Variants in PADI4 observed in about 807,000 individuals in gnomAD.
The protein encoded by PADI4 is peptidyl arginine deiminase 4, also known as protein-arginine deiminase type-4.
Under a neutral mutation model 75.0 loss-of-function variants are expected in PADI4, and 62 were observed. The ratio of observed to expected loss-of-function variants is 0.83; its 90% CI spans 0.67 to 1.02. The LOEUF (loss-of-function observed/expected upper bound fraction) is 1.02. Ranked by LOEUF, PADI4 falls within the 50% of genes least tolerant of loss-of-function variation. PADI4 has a pLI of 0.00. For synonymous variants in PADI4, 361 were observed against 348.1 expected, an observed-to-expected ratio of 1.04 and a Z score of -0.41; for missense variants, 845 against 850.5, an observed-to-expected ratio of 0.99 and a Z score of 0.08.
At position 17,314,203 on chromosome 1, in the gene PADI4, C is replaced by G. The variant is rs376822912; in HGVS notation, c.92+5889C>G. Among the ~76,000 whole-genome samples, 22 of 152,322 alleles carry G rather than the reference C, an allele frequency of 1.4e-4. No individual in the cohort carries two copies. The South Asian group carries it at 2.1e-3, about 14-fold the overall frequency. On this transcript the variant is annotated intron_variant, in intron 1 of 15. Coordinates refer to ENST00000375448, the MANE Select transcript of PADI4 (RefSeq NM_012387.3). ...TCGGCCTCCATTGTCTTTTGAGCCC[C>G]TTATTCATCTTCTTGGTGGACCAGA...
chr1:17,353,458 A>T (rs2074702681), intron 10 of PADI4, among the ~76,000 whole-genome samples: 1 of 152,086 alleles, frequency 6.6e-6, no homozygotes, highest in African/African-American at 2.4e-5. Context: ...AGACCCACTC[A>T]TCTTCCCAGA....
At chr1:17,341,393 C>G (rs1346029077) in intron 6 of PADI4, among the ~76,000 whole-genome samples, 2 of 152,200 alleles carry the variant, frequency 1.3e-5, no homozygotes, top group Non-Finnish European at 2.9e-5. Context: ...GCCACCACAC[C>G]CGGCCTGTTT....
intron 10 of PADI4, among the ~76,000 whole-genome samples, chr1:17,351,930 CGGT>C (rs2074635725): frequency 6.8e-6 from 1 of 146,724 alleles, no homozygotes; most frequent in African/African-American, 2.7e-5. Flanking sequence ...GTAGGAGAGG[CGGT>C]CAGGGAGGTG....
rs755587116 is a variant in PADI4, at chr1:17,331,066, G to A, written c.190G>A (p.Gly64Ser). The change falls in exon 2 of 16, where the codon GGT becomes AGT. Residue 64 changes from glycine to serine, a missense_variant. By Grantham distance (56) the Gly-to-Ser change is moderately conservative (BLOSUM62 0). Coordinates refer to ENST00000375448, the MANE Select transcript of PADI4 (RefSeq NM_012387.3). ...HGPPAKKKST[G>S]SSTWPLDPGV... ...CCCTCCAGCCAAGAAGAAATCCACA[G>A]GTTCCTCCACATGGCCCCTGGACCC... The A allele has an allele frequency of 6.2e-7, 1 of 1,611,374 alleles. No individual in the cohort carries two copies. The highest frequency in any genetic ancestry group is 1.1e-5 in the South Asian group (1 of 90,548).
intron 10 of PADI4, 74 bp downstream of exon 10, chr1:17,348,122 C>T: frequency 2.2e-6 from 2 of 925,744 alleles, no homozygotes; most frequent in South Asian, 1.4e-5. Context: ...TTTTAGCCTG[C>T]CTTCCCCGCC....
chr1:17,336,301 A>G lies in PADI4; in HGVS notation c.408+75A>G. 3.9e-6 allele frequency: 4 copies of G among 1,035,628 alleles called. No individual in the cohort carries two copies. In the South Asian group the frequency reaches 5.1e-5, roughly 13 times the overall value. 64.2% of individuals were successfully genotyped at this position (1,035,628 alleles called of 1,614,324 possible). A position where few individuals can be genotyped will look rare whatever the true frequency, so the allele number is the denominator to read the frequency against. On this transcript the variant is annotated intron_variant, in intron 4 of 15. Transcript: ENST00000375448. Reference sequence around the variant, plus strand: ...GGCGCCCCCTTGTGGTGATGGGGCAAATGCTGGCCTGTCCCACGTATTCCG... The same window carrying G: ...GGCGCCCCCTTGTGGTGATGGGGCAGATGCTGGCCTGTCCCACGTATTCCG...
At chr1:17,331,418 G>A (rs2074209991) in intron 2 of PADI4, among the ~76,000 whole-genome samples, 1 of 150,578 alleles carries the variant, frequency 6.6e-6, no homozygotes, top group South Asian at 2.1e-4. Context: ...GACACTGCCA[G>A]GCACTGGGAA....
chr1:17,327,243 A>C (rs1387428631), intron 1 of PADI4, among the ~76,000 whole-genome samples: 1 of 152,146 alleles, frequency 6.6e-6, no homozygotes, highest in African/African-American at 2.4e-5. Flanking sequence ...GATGCATACA[A>C]GTTTAGAATA....
intron 4 of PADI4, among the ~76,000 whole-genome samples, chr1:17,337,240 G>T (rs1178627129): frequency 6.6e-6 from 1 of 152,188 alleles, no homozygotes; most frequent in Non-Finnish European, 1.5e-5. Context: ...CCGCCTCCCA[G>T]GTTCAAGTGA....
intron 2 of PADI4, among the ~76,000 whole-genome samples, chr1:17,332,166 C>T (rs1332155444): frequency 6.6e-6 from 1 of 152,186 alleles, no homozygotes; most frequent in African/African-American, 2.4e-5. Flanking sequence ...GTGGAATCCC[C>T]CTCTGCCTCT....
At chr1:17,320,633 G>A (rs1446906094) in intron 1 of PADI4, among the ~76,000 whole-genome samples, 1 of 152,148 alleles carries the variant, frequency 6.6e-6, no homozygotes, top group Non-Finnish European at 1.5e-5. Context: ...GTGTCTTTTA[G>A]CATGCTAATG....
At chr1:17,361,533 C>A (rs2074848753) in intron 15 of PADI4, among the ~76,000 whole-genome samples, 1 of 152,180 alleles carries the variant, frequency 6.6e-6, no homozygotes, top group African/African-American at 2.4e-5. Context: ...GGCGGTGGCC[C>A]CCTTGAGGAC....
In PADI4 at chr1:17,356,190, G is replaced by C; in HGVS notation, c.1455+63G>C. The C allele has an allele frequency of 6.4e-7, 1 of 1,554,870 alleles. No homozygotes were observed. Among genetic ancestry groups the C allele is most frequent in the Non-Finnish European group, 8.8e-7 (1 of 1,136,434 alleles). On this transcript the variant is annotated intron_variant, in intron 12 of 15. Transcript: ENST00000375448. The surrounding 1 kb of genome is among the most constrained non-coding windows in gnomAD (Gnocchi z 4.1). The stretch of plus-strand genomic sequence containing the variant: ...CTTCCTGGGTAGACCCTCTGCCTGG[G>C]GTGGGAGCAACTTTACTTGTCTATT...
rs79855790 is a variant in PADI4 at position 17,353,861 on chromosome 1, G to C, written c.1156-672G>C. ...GGAAATATAATAGATTCTTTCCTCA[G>C]GGCCTCCAGGAGGAACCAGCTCTGC... is the stretch of plus-strand genomic sequence containing the variant. On this transcript the variant is annotated intron_variant, in intron 10 of 15. Coordinates refer to ENST00000375448, the MANE Select transcript of PADI4 (RefSeq NM_012387.3). Among the ~76,000 whole-genome samples the C allele has an allele frequency of 1.0e-3, 159 of 152,284 alleles. 3 individuals carry two copies. The East Asian group carries it at 0.029, about 28-fold the overall frequency.
intron 15 of PADI4, among the ~76,000 whole-genome samples, chr1:17,363,123 A>AT (rs1328832393): frequency 2.0e-5 from 3 of 149,210 alleles, no homozygotes; most frequent in African/African-American, 7.5e-5. Context: ...AGCAATTTTT[A>AT]TTTTTGAGGT....
At position 17,356,411 on chromosome 1, in the gene PADI4, C is replaced by T. The variant is rs151325956; in HGVS notation, c.1510C>T (p.Gln504Ter). The change falls in exon 13 of 16, where the codon CAG (glutamine) becomes TAG (stop). Residue 504 changes from glutamine to a stop codon, truncating the protein, a stop_gained. Transcript: ENST00000375448. LOFTEE classifies it high-confidence loss of function. This position sits in a 1 kb window ranked among gnomAD's most constrained non-coding sequence, Gnocchi z 4.1. ...PRSCYKLFQE[Q>*]QNEGHGEALL... is the part of the protein sequence containing the mutation. ...GTCCTGCTACAAACTGTTCCAGGAG[C>T]AGCAGAATGAGGGCCACGGGGAGGC... 6.6e-5 allele frequency: 107 copies of T among 1,613,698 alleles called. No homozygotes were observed. In the African/African-American group the frequency reaches 1.1e-3, roughly 17 times the overall value.
Position 17,354,647 on chromosome 1 carries a change from C to T in PADI4, c.1270C>T (p.Pro424Ser), listed in dbSNP as rs1300598287. 2 of 1,613,484 alleles carry T rather than the reference C, an allele frequency of 1.2e-6. No individual in the cohort carries two copies. The highest frequency in any genetic ancestry group is 2.2e-5 in the South Asian group (2 of 91,020). The change falls in exon 11 of 16, where the codon CCG (proline) becomes TCG (serine). Residue 424 changes from proline to serine, a missense_variant. Coordinates refer to ENST00000375448, the MANE Select transcript of PADI4 (RefSeq NM_012387.3). ...AGTCACAGTCAGGGGCAAGGAATAC[C>T]CGCTGGGCAGGATTCTCTTCGGGGA... ...PPVTVRGKEY[P>S]LGRILFGDSC...
chr1:17,335,408 G>A (rs2074292054), intron 3 of PADI4, among the ~76,000 whole-genome samples: 1 of 152,122 alleles, frequency 6.6e-6, no homozygotes, highest in South Asian at 2.1e-4. Context: ...TCATGCAATT[G>A]GTTAGTGAAG....
At chr1:17,314,562 G>A (rs1408608904) in intron 1 of PADI4, among the ~76,000 whole-genome samples, 2 of 152,152 alleles carry the variant, frequency 1.3e-5, no homozygotes, top group African/African-American at 4.8e-5. Flanking sequence ...GTTACCACAT[G>A]CCGGGCCCTC....
Sources: allele counts gnomAD v4.1 joint callset (sites outside exome capture counted in the v4.1 genomes callset), GRCh38; gene constraint gnomAD v4.1.1; non-coding constraint Gnocchi (gnomAD v3.1); transcripts MANE v1.5; gene names NCBI Gene and HGNC (gene_info 2026-07-23, HGNC 2026-07-21).